Variants in ZNRF3 observed in about 807,000 individuals in gnomAD.
ZNRF3 encodes the protein E3 ubiquitin-protein ligase ZNRF3.
In ZNRF3, 23 loss-of-function variants were observed where a neutral mutation model predicts 72.5. That is an observed-to-expected ratio of 0.32 (90% CI 0.23 to 0.45). The LOEUF (loss-of-function observed/expected upper bound fraction) is 0.45. Ranked by LOEUF, ZNRF3 falls within the 20% of genes least tolerant of loss-of-function variation. The probability of loss-of-function intolerance (pLI) is 1.00; values close to 1 mark genes in which losing one functional copy is unlikely to be tolerated. For synonymous variants in ZNRF3, 610 were observed against 545.3 expected (o/e 1.12, Z -1.65); for missense variants, 1,169 against 1,272.1 (o/e 0.92, Z 1.23).
At chr22:28,950,924 A>G (rs2035149534) in intron 1 of ZNRF3, among the ~76,000 whole-genome samples, 1 of 152,234 alleles carries the variant, frequency 6.6e-6, no homozygotes, top group African/African-American at 2.4e-5. Flanking sequence ...AGTCTACTGT[A>G]TAGCTACTGG....
chr22:29,017,764 A>G (rs2036461971), intron 2 of ZNRF3, among the ~76,000 whole-genome samples: 1 of 152,216 alleles, frequency 6.6e-6, no homozygotes, highest in Non-Finnish European at 1.5e-5. Flanking sequence ...TGAATGGGAC[A>G]TGGAAACAGA....
At chr22:28,940,215 C>CT (rs1294685555) in intron 1 of ZNRF3, among the ~76,000 whole-genome samples, 1 of 152,140 alleles carries the variant, frequency 6.6e-6, no homozygotes, top group African/African-American at 2.4e-5. Context: ...TGGAATAATA[C>CT]TGTAAAGAAG....
chr22:28,885,590 T>TAAAAAAAAAAAAAAAA (rs34201242), intron 1 of ZNRF3, among the ~76,000 whole-genome samples: 2 of 102,742 alleles, frequency 1.9e-5, no homozygotes, highest in Non-Finnish European at 2.0e-5. Flanking sequence ...TACAGCCTTC[T>TAAAAAAAAAAAAAAAA]AAAAAAAAAA....
At chr22:28,981,968 G>C (rs2035772326) in intron 1 of ZNRF3, among the ~76,000 whole-genome samples, 1 of 152,094 alleles carries the variant, frequency 6.6e-6, no homozygotes, top group African/African-American at 2.4e-5. Context: ...CTGTGCTCCA[G>C]CCTGGGCAAT....
At chr22:29,009,135 C>CT (rs1188767119) in intron 2 of ZNRF3, among the ~76,000 whole-genome samples, 1 of 152,120 alleles carries the variant, frequency 6.6e-6, no homozygotes, top group Non-Finnish European at 1.5e-5. Context: ...GCTTAGGCAT[C>CT]TTTTTTTCCT....
chr22:28,988,127 T>G (rs2035889068), intron 2 of ZNRF3, among the ~76,000 whole-genome samples: 1 of 152,202 alleles, frequency 6.6e-6, no homozygotes, highest in Non-Finnish European at 1.5e-5. Flanking sequence ...ACTGCATCAT[T>G]TTGTTAAAAG....
intron 1 of ZNRF3, among the ~76,000 whole-genome samples, chr22:28,903,322 C>T (rs941380629): frequency 1.3e-5 from 2 of 152,060 alleles, no homozygotes; most frequent in African/African-American, 4.8e-5. Context: ...CTGGTTGCTC[C>T]GAGGAAAGGA....
rs755216625 is a variant in ZNRF3 at position 29,046,900 on chromosome 22, G to A, written c.912+17G>A. ...GATGGAGAGGTAATGGCAGAAGCAG[G>A]CCCGTCCTGGGTGGGGAAAACATAG... On this transcript the variant is annotated intron_variant, in intron 6 of 8. Transcript: ENST00000544604. 4 of 1,523,180 alleles carry A rather than the reference G, an allele frequency of 2.6e-6. No individual in the cohort carries two copies. The highest frequency in any genetic ancestry group is 2.4e-5 in the East Asian group (1 of 41,988). The allele number at this position is 1,523,180 out of a possible 1,614,324, so 94.4% of individuals were successfully genotyped here.
intron 8 of ZNRF3, among the ~76,000 whole-genome samples, chr22:29,051,443 T>C (rs6005968): frequency 0.017 from 2,629 of 151,990 alleles, 34 homozygotes; most frequent in South Asian, 0.039. Flanking sequence ...TTCTCGTTAC[T>C]CAGTACAAAA....
chr22:29,035,433 A>G (rs1035894127), intron 2 of ZNRF3, among the ~76,000 whole-genome samples: 2 of 152,186 alleles, frequency 1.3e-5, no homozygotes, highest in East Asian at 1.9e-4. Flanking sequence ...ATAACCATAC[A>G]ATGGAATGAT....
chr22:29,053,118 C>T (rs1355764651), intron 8 of ZNRF3, among the ~76,000 whole-genome samples: 1 of 152,186 alleles, frequency 6.6e-6, no homozygotes, highest in Admixed American at 6.5e-5. Flanking sequence ...CAAGCTCATT[C>T]CAGCCCCCAG....
At chr22:28,965,382 C>CT (rs1464925696) in intron 1 of ZNRF3, among the ~76,000 whole-genome samples, 5 of 152,198 alleles carry the variant, frequency 3.3e-5, no homozygotes, top group African/African-American at 1.2e-4. Context: ...ACCCTTACAA[C>CT]TACCTTTGAA....
intron 1 of ZNRF3, among the ~76,000 whole-genome samples, chr22:28,928,671 T>A (rs1170678106): frequency 1.3e-5 from 2 of 151,814 alleles, no homozygotes; most frequent in African/African-American, 2.4e-5. Context: ...TTTTTTTTTT[T>A]ATTTTTAGTA....
chr22:28,895,514 A>G (rs1757250979), intron 1 of ZNRF3, among the ~76,000 whole-genome samples: 1 of 152,098 alleles, frequency 6.6e-6, no homozygotes. Context: ...AAAAATACAA[A>G]AAATTAGCCA....
chr22:28,888,212 G>C (rs150551775), intron 1 of ZNRF3, among the ~76,000 whole-genome samples: 1 of 152,170 alleles, frequency 6.6e-6, no homozygotes, highest in African/African-American at 2.4e-5. Context: ...TTAAATATCC[G>C]ATGTTAAGTA....
intron 2 of ZNRF3, among the ~76,000 whole-genome samples, chr22:29,033,797 C>A (rs2036811901): frequency 6.6e-6 from 1 of 151,920 alleles, no homozygotes; most frequent in Non-Finnish European, 1.5e-5. Flanking sequence ...AGGAGGGAGC[C>A]CAGGTTTGGG....
At chr22:28,886,518 C>T (rs2033790767) in intron 1 of ZNRF3, among the ~76,000 whole-genome samples, 1 of 152,082 alleles carries the variant, frequency 6.6e-6, no homozygotes, top group African/African-American at 2.4e-5. Flanking sequence ...CTGAAGATTC[C>T]CAAACATTTT....
chr22:28,909,747 A>ATTTTTT (rs11432409), intron 1 of ZNRF3, among the ~76,000 whole-genome samples: 1 of 113,880 alleles, frequency 8.8e-6, no homozygotes, highest in Non-Finnish European at 1.8e-5. Flanking sequence ...TGCCTGGCTA[A>ATTTTTT]TTTTTTTTTT....
chr22:29,026,747 G>A (rs2036644023), intron 2 of ZNRF3: 1 of 152,224 alleles, frequency 6.6e-6, no homozygotes, highest in African/African-American at 2.4e-5. Context: ...GCATTTTTGT[G>A]CCTGCTGGGT....
Sources: gnomAD v4.1 joint callset for allele counts (sites outside exome capture counted in the v4.1 genomes callset) on GRCh38, gnomAD v4.1.1 for gene constraint, MANE v1.5 for transcripts, NCBI Gene and HGNC (gene_info 2026-07-23, HGNC 2026-07-21) for gene names.